OPRD1: variants seen among roughly 807,000 people sequenced by gnomAD.
OPRD1 encodes opioid receptor delta 1.
OPRD1 carries 19 observed loss-of-function variants against 17.5 expected under a neutral mutation model. That is an observed-to-expected ratio of 1.09 (90% CI 0.76 to 1.60). OPRD1 has a LOEUF of 1.60. Ranked by LOEUF, OPRD1 falls within the 40% of genes most tolerant of loss-of-function variation. OPRD1 has a pLI of 0.00. For missense variants in OPRD1, 483 were observed against 547.2 expected (o/e 0.88, Z 1.17); for synonymous variants, 256 against 240.9 (o/e 1.06, Z -0.58).
chr1:28,827,408 C>T (rs1165089772), intron 1 of OPRD1, among the ~76,000 whole-genome samples: 3 of 152,154 alleles, frequency 2.0e-5, no homozygotes, highest in Non-Finnish European at 2.9e-5. Flanking sequence ...TAGCTCACTA[C>T]AGCCCCAAAC....
intron 1 of OPRD1, among the ~76,000 whole-genome samples, chr1:28,840,639 G>A (rs1258451847): frequency 6.6e-6 from 1 of 152,078 alleles, no homozygotes. Flanking sequence ...GTAAAATACG[G>A]GGCCAGGCGT....
chr1:28,850,998 C>T (rs935540369), intron 1 of OPRD1, among the ~76,000 whole-genome samples: 5 of 151,762 alleles, frequency 3.3e-5, no homozygotes, highest in Non-Finnish European at 7.4e-5. Flanking sequence ...GGTATGAGAA[C>T]GTTTTATACT....
At chr1:28,825,292 C>T (rs1276629890) in intron 1 of OPRD1, among the ~76,000 whole-genome samples, 1 of 152,192 alleles carries the variant, frequency 6.6e-6, no homozygotes, top group Non-Finnish European at 1.5e-5. Context: ...TATCCCCTTG[C>T]TCCCTCTCCT....
At chr1:28,815,329 C>T (rs1053452793) in intron 1 of OPRD1, among the ~76,000 whole-genome samples, 3 of 152,152 alleles carry the variant, frequency 2.0e-5, no homozygotes, top group Non-Finnish European at 4.4e-5. Flanking sequence ...TGGTGTCAAA[C>T]TTCTGAGCTC....
At chr1:28,845,211 C>T (rs1022565769) in intron 1 of OPRD1, among the ~76,000 whole-genome samples, 3 of 151,628 alleles carry the variant, frequency 2.0e-5, no homozygotes, top group Non-Finnish European at 4.4e-5. Flanking sequence ...GGGCCAGGCA[C>T]GGTGGCTCAT....
In OPRD1 at chr1:28,859,061, A is replaced by G; in HGVS notation, c.335A>G (p.Glu112Gly). The change falls in exon 2 of 3, where the codon GAG (glutamate) becomes GGG (glycine). Residue 112 changes from glutamate (E) to glycine (G), a missense_variant. Coordinates refer to ENST00000234961, the MANE Select transcript of OPRD1 (RefSeq NM_000911.4). The stretch of plus-strand genomic sequence containing the variant: ...TTCCAGAGTGCCAAGTACCTGATGG[A>G]GACGTGGCCCTTCGGCGAGCTGCTC... The part of the protein sequence containing the change: ...LPFQSAKYLM[E>G]TWPFGELLCK... The G allele has an allele frequency of 6.2e-7, 1 of 1,614,196 alleles. No individual in the cohort carries two copies. Among genetic ancestry groups the G allele is most frequent in the Non-Finnish European group, 8.5e-7 (1 of 1,180,026 alleles).
chr1:28,826,808 A>T (rs972399412), intron 1 of OPRD1, among the ~76,000 whole-genome samples: 3 of 152,222 alleles, frequency 2.0e-5, no homozygotes, highest in Non-Finnish European at 2.9e-5. Flanking sequence ...TCTTTCTTTC[A>T]TGAAAGATTT....
chr1:28,825,516 G>A (rs1256149208), intron 1 of OPRD1, among the ~76,000 whole-genome samples: 1 of 152,220 alleles, frequency 6.6e-6, no homozygotes, highest in African/African-American at 2.4e-5. Flanking sequence ...CTCCTGAGTA[G>A]CTTGGATTAC....
intron 1 of OPRD1, among the ~76,000 whole-genome samples, chr1:28,842,022 C>CTTATTT (rs1177110789): frequency 1.1e-3 from 163 of 151,246 alleles, no homozygotes; most frequent in Admixed American, 3.4e-3. Context: ...TTGTGCCGGC[C>CTTATTT]TTATTTTTAT....
At chr1:28,824,776 T>G (rs1254763975) in intron 1 of OPRD1, among the ~76,000 whole-genome samples, 1 of 152,186 alleles carries the variant, frequency 6.6e-6, no homozygotes, top group Non-Finnish European at 1.5e-5. Flanking sequence ...CGACATAACA[T>G]GCCCAAAGTC....
At chr1:28,816,535 A>G (rs971792372) in intron 1 of OPRD1, among the ~76,000 whole-genome samples, 20 of 151,990 alleles carry the variant, frequency 1.3e-4, no homozygotes, top group Admixed American at 2.0e-4. Context: ...CCAAGAAGCT[A>G]CCTGAGAAGC....
At chr1:28,835,953 G>A (rs760589) in intron 1 of OPRD1, among the ~76,000 whole-genome samples, 54,573 of 152,034 alleles carry the variant, frequency 0.36, 10,146 homozygotes, top group Middle Eastern at 0.47. Flanking sequence ...TGCGGATTCA[G>A]TGGGTTATGG....
At chr1:28,818,359 C>G (rs1046926732) in intron 1 of OPRD1, among the ~76,000 whole-genome samples, 1 of 152,194 alleles carries the variant, frequency 6.6e-6, no homozygotes, top group Admixed American at 6.5e-5. Flanking sequence ...ACAGCTATGT[C>G]CCATGCCACC....
intron 1 of OPRD1, among the ~76,000 whole-genome samples, chr1:28,836,940 A>G (rs932665784): frequency 2.0e-5 from 3 of 152,104 alleles, no homozygotes; most frequent in Non-Finnish European, 4.4e-5. Flanking sequence ...GGGTGGGGGA[A>G]CGGGGATAGT....
intron 2 of OPRD1, among the ~76,000 whole-genome samples, chr1:28,862,496 G>A (rs769094177): frequency 1.1e-4 from 17 of 152,178 alleles, no homozygotes; most frequent in Admixed American, 3.3e-4. Flanking sequence ...GCTGAAAAGG[G>A]GCCAGGAGAG....
chr1:28,851,508 A>G (rs1276183935), intron 1 of OPRD1, among the ~76,000 whole-genome samples: 2 of 152,248 alleles, frequency 1.3e-5, no homozygotes, highest in African/African-American at 4.8e-5. Context: ...CAAGCCAAGA[A>G]ACGGGTGCTC....
At chr1:28,830,301 T>A (rs1191771737) in intron 1 of OPRD1, among the ~76,000 whole-genome samples, 3 of 151,640 alleles carry the variant, frequency 2.0e-5, no homozygotes, top group Non-Finnish European at 4.4e-5. Flanking sequence ...GGTGAGAGAA[T>A]CGCTTGAGCC....
At chr1:28,856,202 C>A (rs372248408) in intron 1 of OPRD1, among the ~76,000 whole-genome samples, 4 of 152,184 alleles carry the variant, frequency 2.6e-5, no homozygotes, top group African/African-American at 9.7e-5. Context: ...TGCTGTGTGA[C>A]CTTGGGTGAG....
intron 1 of OPRD1, among the ~76,000 whole-genome samples, chr1:28,838,130 G>A (rs1256545455): frequency 1.3e-5 from 2 of 152,000 alleles, no homozygotes; most frequent in Non-Finnish European, 2.9e-5. Flanking sequence ...AGTCCACATA[G>A]CTGCTGAGAT....
Sources: allele counts gnomAD v4.1 joint callset (sites outside exome capture counted in the v4.1 genomes callset), GRCh38; gene constraint gnomAD v4.1.1; transcripts MANE v1.5; gene names NCBI Gene and HGNC (gene_info 2026-07-23, HGNC 2026-07-21).